Variants in RBFOX2 observed in about 807,000 individuals in gnomAD.
RBFOX2 encodes the protein RNA binding protein fox-1 homolog 2.
In RBFOX2, 10 loss-of-function variants were observed where a neutral mutation model predicts 49.1. That is an observed-to-expected ratio of 0.20 (90% CI 0.13 to 0.35). The LOEUF is 0.35. Among genes scored for constraint, RBFOX2 ranks in the 10% least tolerant of loss-of-function variants. The pLI, the probability that RBFOX2 is intolerant of heterozygous loss-of-function variation, is 1.00. For missense variants in RBFOX2, 323 were observed against 486.9 expected (o/e 0.66, Z 3.17); for synonymous variants, 183 against 187.4 (o/e 0.98, Z 0.19).
intron 1 of RBFOX2, among the ~76,000 whole-genome samples, chr22:35,949,395 A>G (rs1032124172): frequency 1.3e-5 from 2 of 152,148 alleles, no homozygotes; most frequent in Admixed American, 1.3e-4. Context: ...CTTTTGGGTA[A>G]ATATTCAGAA....
At chr22:35,810,184 GACAGAC>G (rs1951581464) in intron 1 of RBFOX2, among the ~76,000 whole-genome samples, 180 bp from the exon 3 acceptor site, 1 of 89,584 alleles carries the variant, frequency 1.1e-5, no homozygotes, top group East Asian at 2.9e-4. Context: ...TATGTATGTG[GACAGAC>G]ACACACACAC....
intron 1 of RBFOX2, among the ~76,000 whole-genome samples, chr22:35,970,788 CAT>C (rs2056828865): frequency 6.6e-6 from 1 of 152,194 alleles, no homozygotes; most frequent in Non-Finnish European, 1.5e-5. Context: ...TATATTTTTA[CAT>C]AGTCTATCCT....
rs145618262 is a variant in RBFOX2 at position 35,793,824 on chromosome 22, T to A, written c.253-12078A>T. 3.4e-3 allele frequency among the ~76,000 whole-genome samples: 516 copies of A among 152,332 alleles called. 1 individual carries two copies. Among genetic ancestry groups the A allele is most frequent in the African/African-American group, 0.011 (455 of 41,582 alleles). On this transcript the variant is annotated intron_variant, in intron 2 of 11. Coordinates refer to ENST00000405409, the Ensembl canonical transcript of RBFOX2. ...CATTCAAATGTAAGCTAACTTTTTT[T>A]AATAAACGAGTAATTCCATTTCTTC...
chr22:35,907,237 C>T (rs961191691), intron 1 of RBFOX2, among the ~76,000 whole-genome samples: 1 of 152,264 alleles, frequency 6.6e-6, no homozygotes, highest in Non-Finnish European at 1.5e-5. Context: ...AAAAGGACTA[C>T]ATCTTCCATC....
At chr22:35,967,648 G>C (rs2056640022) in intron 1 of RBFOX2, among the ~76,000 whole-genome samples, 2 of 152,136 alleles carry the variant, frequency 1.3e-5, no homozygotes, top group Admixed American at 1.3e-4. Flanking sequence ...ATTGTGTTGA[G>C]TGTTTAAATA....
chr22:35,814,764 A>G (rs1281533458), intron 1 of RBFOX2, among the ~76,000 whole-genome samples: 2 of 150,986 alleles, frequency 1.3e-5, no homozygotes, highest in Non-Finnish European at 3.0e-5. Flanking sequence ...GTGTCAAGAA[A>G]AAAGAGTCTG....
intron 1 of RBFOX2, among the ~76,000 whole-genome samples, chr22:35,878,080 G>A (rs1002347911): frequency 3.4e-5 from 4 of 118,192 alleles, no homozygotes; most frequent in African/African-American, 9.6e-5. Flanking sequence ...ACACACACAC[G>A]GAGTTTGTTT....
chr22:35,867,485 C>A (rs1276010839), intron 1 of RBFOX2, among the ~76,000 whole-genome samples: 1 of 152,184 alleles, frequency 6.6e-6, no homozygotes, highest in Admixed American at 6.5e-5. Flanking sequence ...ACAATGTATT[C>A]TTTGCGTTTA....
intron 1 of RBFOX2, among the ~76,000 whole-genome samples, chr22:35,883,573 G>A (rs2149309867): frequency 6.6e-6 from 1 of 152,276 alleles, no homozygotes; most frequent in African/African-American, 2.4e-5. Context: ...CAACCAGAAA[G>A]GCTGAGAATT....
chr22:35,860,787 C>T (rs548058287), intron 1 of RBFOX2, among the ~76,000 whole-genome samples: 1 of 152,300 alleles, frequency 6.6e-6, no homozygotes, highest in Non-Finnish European at 1.5e-5. Context: ...GAATTAACAT[C>T]CGAGAGAATT....
chr22:36,023,496 C>T (rs2059321174), intron 1 of RBFOX2, among the ~76,000 whole-genome samples: 2 of 152,110 alleles, frequency 1.3e-5, no homozygotes. Context: ...GAAAACTGCA[C>T]AAAAATAAAA....
intron 1 of RBFOX2, among the ~76,000 whole-genome samples, chr22:36,009,506 T>A (rs2058734325): frequency 6.6e-6 from 1 of 152,186 alleles, no homozygotes; most frequent in Non-Finnish European, 1.5e-5. Flanking sequence ...ACCGAGTAGC[T>A]GGGACTACAG....
intron 9 of RBFOX2, among the ~76,000 whole-genome samples, chr22:35,751,947 G>C (rs1020711859): frequency 3.9e-5 from 6 of 152,124 alleles, no homozygotes; most frequent in Admixed American, 3.9e-4. Context: ...AAATAAACTG[G>C]ATTGTGAAAA....
intron 1 of RBFOX2, among the ~76,000 whole-genome samples, chr22:35,900,223 C>T (rs1418932627): frequency 6.6e-6 from 1 of 152,126 alleles, no homozygotes; most frequent in Non-Finnish European, 1.5e-5. Flanking sequence ...AAGTGATTCT[C>T]CTGTCTCAAC....
chr22:35,868,252 C>T (rs995935607), intron 1 of RBFOX2, among the ~76,000 whole-genome samples: 1 of 152,012 alleles, frequency 6.6e-6, no homozygotes, highest in African/African-American at 2.4e-5. Context: ...ATATAAAAAC[C>T]AGTTTTTATA....
At chr22:35,903,544 C>T (rs1190468263) in intron 1 of RBFOX2, among the ~76,000 whole-genome samples, 1 of 152,146 alleles carries the variant, frequency 6.6e-6, no homozygotes, top group Non-Finnish European at 1.5e-5. Flanking sequence ...AGTTACACCC[C>T]TAGCAGAGAC....
intron 1 of RBFOX2, among the ~76,000 whole-genome samples, chr22:35,945,889 C>T (rs2054223883): frequency 6.6e-6 from 1 of 152,184 alleles, no homozygotes. Context: ...CAACTGTTAA[C>T]TAGTAAACTA....
intron 1 of RBFOX2, among the ~76,000 whole-genome samples, chr22:35,912,173 T>C (rs1264220172): frequency 6.6e-6 from 1 of 152,206 alleles, no homozygotes; most frequent in African/African-American, 2.4e-5. Flanking sequence ...AGAAACAGCA[T>C]ACTACGTATA....
chr22:35,966,020 G>A (rs2056539647), upstream of RBFOX2, among the ~76,000 whole-genome samples: 1 of 151,882 alleles, frequency 6.6e-6, no homozygotes, highest in South Asian at 2.1e-4. Context: ...CAGCACTACA[G>A]AAGCCCATCC....
Sources: gnomAD v4.1 joint callset for allele counts (sites outside exome capture counted in the v4.1 genomes callset) on GRCh38, gnomAD v4.1.1 for gene constraint, MANE v1.5 for transcripts, NCBI Gene and HGNC (gene_info 2026-07-23, HGNC 2026-07-21) for gene names.